The following RPS6KA5 variants were observed in gnomAD, a reference collection of about 807,000 sequenced individuals.
The protein encoded by RPS6KA5 is ribosomal protein S6 kinase alpha-5.
A neutral mutation model predicts 85.5 loss-of-function variants in RPS6KA5; 27 were observed. The observed-to-expected ratio is 0.32, with a 90% CI of 0.23 to 0.44. RPS6KA5 has a LOEUF of 0.44. Ranked by LOEUF, RPS6KA5 falls within the 20% of genes least tolerant of loss-of-function variation. The pLI, the probability that RPS6KA5 is intolerant of heterozygous loss-of-function variation, is 1.00. For missense variants in RPS6KA5, 811 were observed against 980.9 expected, an observed-to-expected ratio of 0.83 and a Z score of 2.31; for synonymous variants, 334 against 348.2, an observed-to-expected ratio of 0.96 and a Z score of 0.46.
intron 13 of RPS6KA5, among the ~76,000 whole-genome samples, 189 bp from the exon 14 acceptor site, chr14:90,890,867 T>C (rs1299802696): frequency 6.6e-6 from 1 of 152,140 alleles, no homozygotes; most frequent in African/African-American, 2.4e-5. Context: ...ATTTCAATTT[T>C]ACCATGTCAT....
At chr14:90,923,624 T>C (rs1443808290) in intron 5 of RPS6KA5, among the ~76,000 whole-genome samples, 1 of 152,110 alleles carries the variant, frequency 6.6e-6, no homozygotes, top group African/African-American at 2.4e-5. Context: ...TTAGGCAAGA[T>C]TGAGAAAACA....
intron 1 of RPS6KA5, among the ~76,000 whole-genome samples, chr14:91,003,179 C>A (rs1398647577): frequency 6.6e-6 from 1 of 151,598 alleles, no homozygotes; most frequent in East Asian, 1.9e-4. Flanking sequence ...ATTAGGAATC[C>A]TTTTTTATTT....
At chr14:90,996,610 A>G (rs2040531510) in intron 2 of RPS6KA5, among the ~76,000 whole-genome samples, 1 of 152,110 alleles carries the variant, frequency 6.6e-6, no homozygotes, top group African/African-American at 2.4e-5. Flanking sequence ...AATAAAATAA[A>G]TAATAATTGG....
At position 90,854,564 on chromosome 14, in the gene RPS6KA5, G is replaced by T. The variant is rs2032180669; in HGVS notation, c.*17510C>A. 1 of 152,176 alleles carries T rather than the reference G, an allele frequency of 6.6e-6. No individual in the cohort carries two copies. Among genetic ancestry groups the T allele is most frequent in the East Asian group, 1.9e-4 (1 of 5,180 alleles). The allele number at this position is 152,176 out of a possible 1,614,324, so 9.4% of individuals were successfully genotyped here. A position where few individuals can be genotyped will look rare whatever the true frequency, so the allele number is the denominator to read the frequency against. Reference sequence around the variant, plus strand: ...GCAGGGTTTGATTATTCTGACATCAGAAAGCCAACACTAGATTCCACAGCA... The same window carrying T: ...GCAGGGTTTGATTATTCTGACATCATAAAGCCAACACTAGATTCCACAGCA... On this transcript the variant is annotated 3_prime_UTR_variant, in exon 17 of 17. Coordinates refer to ENST00000614987, the MANE Select transcript of RPS6KA5 (RefSeq NM_004755.4).
At chr14:91,016,906 T>C (rs890252412) in intron 1 of RPS6KA5, among the ~76,000 whole-genome samples, 1 of 150,866 alleles carries the variant, frequency 6.6e-6, no homozygotes, top group Non-Finnish European at 1.5e-5. Flanking sequence ...TGTATTCTCC[T>C]ATGTCAATGC....
At chr14:91,049,392 A>G (rs2042981977) in intron 1 of RPS6KA5, among the ~76,000 whole-genome samples, 2 of 152,168 alleles carry the variant, frequency 1.3e-5, no homozygotes, top group African/African-American at 4.8e-5. Context: ...AGGTGGGTGG[A>G]TCACAAGGTC....
intron 1 of RPS6KA5, among the ~76,000 whole-genome samples, chr14:91,045,481 C>T (rs1458413799): frequency 6.6e-6 from 1 of 152,146 alleles, no homozygotes; most frequent in East Asian, 1.9e-4. Context: ...CCAGGCTGGT[C>T]TCGAATCTCT....
chr14:90,922,596 C>T (rs900575519), intron 6 of RPS6KA5, among the ~76,000 whole-genome samples: 1 of 152,148 alleles, frequency 6.6e-6, no homozygotes, highest in African/African-American at 2.4e-5. Flanking sequence ...TACAGGCGCT[C>T]GCCACCACGC....
chr14:90,992,446 A>G (rs2040349424), intron 2 of RPS6KA5, among the ~76,000 whole-genome samples: 1 of 152,154 alleles, frequency 6.6e-6, no homozygotes, highest in South Asian at 2.1e-4. Context: ...TAACCAAACT[A>G]CTCAGTGCAG....
At chr14:91,015,381 A>C (rs2041446330) in intron 1 of RPS6KA5, among the ~76,000 whole-genome samples, 1 of 152,216 alleles carries the variant, frequency 6.6e-6, no homozygotes, top group African/African-American at 2.4e-5. Flanking sequence ...ATGATTAAAA[A>C]AAAAATTAAA....
chr14:90,914,609 C>T (rs1459051609), intron 7 of RPS6KA5, among the ~76,000 whole-genome samples: 3 of 152,302 alleles, frequency 2.0e-5, no homozygotes, highest in East Asian at 1.9e-4. Flanking sequence ...GCCACTGCAC[C>T]TGGCCTATCC....
chr14:90,947,448 T>G lies in RPS6KA5; in HGVS notation c.497A>C (p.Glu166Ala), dbSNP rs759105458. 1.9e-5 allele frequency: 30 copies of G among 1,603,282 alleles called. No homozygotes were observed. The highest frequency in any genetic ancestry group is 5.1e-6 in the Non-Finnish European group (6 of 1,170,396). ...IYVGEIVLAL[E>A]HLHKLGIIYR... ...GAAGAGTCTTACCTTGTGGAGATGTTCGAGGGCAAGCACAATCTCTCCAAC... is the reference window on the plus strand; with the variant it reads ...GAAGAGTCTTACCTTGTGGAGATGTGCGAGGGCAAGCACAATCTCTCCAAC... Residue 166 changes from glutamate (E) to alanine (A), a missense_variant, in exon 4 of 17, where the codon GAA becomes GCA. By Grantham distance (107) the Glu-to-Ala change is moderately radical. Transcript: ENST00000614987.
At position 90,983,841 on chromosome 14, in the gene RPS6KA5, T is replaced by TCTC. The variant is rs1487178474; in HGVS notation, c.176-5318_176-5317insGAG. On this transcript the variant is annotated intron_variant, in intron 2 of 16. Transcript: ENST00000614987. The stretch of plus-strand genomic sequence containing the variant: ...TGTCTCTCTCTCTCTCTCTCTCTCT[T>TCTC]TCTTTTTTTCTTTCTTTCTTTCTGA... Among the ~76,000 whole-genome samples the TCTC allele has an allele frequency of 4.0e-3, 304 of 75,218 alleles. 4 individuals are homozygous for TCTC. Among genetic ancestry groups the TCTC allele is most frequent in the Non-Finnish European group, 6.7e-3 (234 of 35,034 alleles). 49.3% of individuals were successfully genotyped at this position (75,218 alleles called of 152,430 possible).
chr14:91,057,219 T>C (rs1229964416), intron 1 of RPS6KA5, among the ~76,000 whole-genome samples: 1 of 152,072 alleles, frequency 6.6e-6, no homozygotes, highest in Non-Finnish European at 1.5e-5. Flanking sequence ...TAGACATACA[T>C]TCAAGAAATG....
At chr14:90,950,306 G>T (rs1056907307) in intron 3 of RPS6KA5, among the ~76,000 whole-genome samples, 2 of 152,052 alleles carry the variant, frequency 1.3e-5, no homozygotes, top group African/African-American at 4.8e-5. Flanking sequence ...TTATATATTA[G>T]TTCGAGTAGT....
chr14:91,055,502 G>A (rs142019971), intron 1 of RPS6KA5, among the ~76,000 whole-genome samples: 27 of 152,212 alleles, frequency 1.8e-4, no homozygotes, highest in Non-Finnish European at 3.4e-4. Flanking sequence ...TAATTTTGCC[G>A]GGCAGGTTGG....
chr14:90,885,940 TAAAC>T lies in RPS6KA5; in HGVS notation c.1836+4543_1836+4546del, dbSNP rs139077743. On this transcript the variant is annotated intron_variant, in intron 14 of 16. Coordinates refer to ENST00000614987, the MANE Select transcript of RPS6KA5 (RefSeq NM_004755.4). Reference sequence around the variant, plus strand: ...ATCCCTTTTCTGGAAAAGGCAGAATTAAACAAACTTTAGGATCCTCTCAGTTCCA... The same window carrying T: ...ATCCCTTTTCTGGAAAAGGCAGAATTAAACTTTAGGATCCTCTCAGTTCCA... 3.5e-3 allele frequency among the ~76,000 whole-genome samples: 530 copies of T among 152,030 alleles called. 18 individuals are homozygous for T. The East Asian group carries it at 0.093, about 27-fold the overall frequency.
rs1443034067 is a variant in RPS6KA5 at position 90,852,564 on chromosome 14, C to G, written c.*19510G>C. ...AGGGAAAAACAGCATCTGATATGTG[C>G]ACCCTATTGTAAAGAATTGGTATTT... On this transcript the variant is annotated 3_prime_UTR_variant, in exon 17 of 17. Transcript: ENST00000614987. 1.3e-5 allele frequency: 2 copies of G among 152,106 alleles called. No homozygotes were observed. The highest frequency in any genetic ancestry group is 4.8e-5 in the African/African-American group (2 of 41,410). The allele number at this position is 152,106 out of a possible 1,614,324, so 9.4% of individuals were successfully genotyped here. A position where few individuals can be genotyped will look rare whatever the true frequency, so the allele number is the denominator to read the frequency against.
chr14:90,895,360 A>G lies in RPS6KA5; in HGVS notation c.1474-777T>C, dbSNP rs146143389. On this transcript the variant is annotated intron_variant, in intron 12 of 16. Coordinates refer to ENST00000614987, the MANE Select transcript of RPS6KA5 (RefSeq NM_004755.4). ...TCTGTACAAAAAAAATTAAAACATA[A>G]AAGTTTAAAAAGGTATTGTTTGATA... Among the ~76,000 whole-genome samples, 319 of 152,204 alleles carry G rather than the reference A, an allele frequency of 2.1e-3. 1 individual carries two copies. The highest frequency in any genetic ancestry group is 7.5e-3 in the African/African-American group (312 of 41,528).
Sources: allele counts gnomAD v4.1 joint callset (sites outside exome capture counted in the v4.1 genomes callset), GRCh38; gene constraint gnomAD v4.1.1; transcripts MANE v1.5; gene names NCBI Gene and HGNC (gene_info 2026-07-23, HGNC 2026-07-21).